Variants in GFRA1 observed in about 807,000 individuals in gnomAD.
GFRA1 encodes GDNF family receptor alpha 1.
In GFRA1, 16 loss-of-function variants were observed where a neutral mutation model predicts 51.6. That is an observed-to-expected ratio of 0.31 (90% CI 0.21 to 0.47). The LOEUF (loss-of-function observed/expected upper bound fraction) is 0.47, where lower values mean the gene tolerates loss of function less well. GFRA1 is among the 20% of genes least tolerant of loss of function. The pLI, the probability that GFRA1 is intolerant of heterozygous loss-of-function variation, is 1.00. For synonymous variants in GFRA1, 270 were observed against 241.3 expected, an observed-to-expected ratio of 1.12 and a Z score of -1.10; for missense variants, 530 against 594.3, an observed-to-expected ratio of 0.89 and a Z score of 1.13.
At chr10:116,159,312 T>C (rs755050541) in intron 5 of GFRA1, among the ~76,000 whole-genome samples, 3 of 152,184 alleles carry the variant, frequency 2.0e-5, no homozygotes, top group Admixed American at 6.5e-5. Flanking sequence ...AGTTCCCAAG[T>C]GTGTCCCTTG....
intron 5 of GFRA1, among the ~76,000 whole-genome samples, chr10:116,145,972 C>T (rs536672096): frequency 2.0e-5 from 3 of 152,154 alleles, no homozygotes; most frequent in Admixed American, 6.5e-5. Flanking sequence ...TGAATGGTAA[C>T]ATTTATATAA....
At chr10:116,165,665 T>TCACACACACACACACACACACACACA (rs56684075) in intron 5 of GFRA1, among the ~76,000 whole-genome samples, 2 of 149,554 alleles carry the variant, frequency 1.3e-5, no homozygotes, top group African/African-American at 5.0e-5. Flanking sequence ...TCTCTCACTC[T>TCACACACACACACACACACACACACA]CACACACACA....
chr10:116,267,021 G>A (rs758687322), intron 4 of GFRA1, among the ~76,000 whole-genome samples: 1 of 152,152 alleles, frequency 6.6e-6, no homozygotes, highest in Non-Finnish European at 1.5e-5. Context: ...CACACCTGTA[G>A]TCCCAGCTAC....
rs563993276 is a variant in GFRA1 at position 116,224,871 on chromosome 10, G to A, written c.419-13226C>T. Reference sequence around the variant, plus strand: ...GTTGTGAATACATTTCAAATGACTAGGAATGACAACCCCTGCCTCTCTGAG... The same window carrying A: ...GTTGTGAATACATTTCAAATGACTAAGAATGACAACCCCTGCCTCTCTGAG... On this transcript the variant is annotated intron_variant, in intron 4 of 10. Transcript: ENST00000355422. Among the ~76,000 whole-genome samples, 60 of 152,292 alleles carry A rather than the reference G, an allele frequency of 3.9e-4. No homozygotes were observed. The South Asian group carries it at 4.1e-3, about 11-fold the overall frequency.
At chr10:116,174,704 G>C (rs916126754) in intron 5 of GFRA1, among the ~76,000 whole-genome samples, 6 of 152,058 alleles carry the variant, frequency 3.9e-5, no homozygotes, top group Non-Finnish European at 8.8e-5. Context: ...TATACTACTA[G>C]AGATTACTGA....
intron 5 of GFRA1, among the ~76,000 whole-genome samples, chr10:116,158,656 G>A (rs1959410315): frequency 6.6e-6 from 1 of 152,240 alleles, no homozygotes; most frequent in African/African-American, 2.4e-5. Context: ...GGACAGTGAT[G>A]TCTAGCCACT....
chr10:116,268,080 G>A (rs1565692454), intron 4 of GFRA1, among the ~76,000 whole-genome samples: 1 of 152,082 alleles, frequency 6.6e-6, no homozygotes, highest in Admixed American at 6.5e-5. Flanking sequence ...TGTGTATTCT[G>A]ATTCAGTAGT....
chr10:116,133,224 C>G lies in GFRA1; in HGVS notation c.434-7667G>C, dbSNP rs146198867. On this transcript the variant is annotated intron_variant, in intron 5 of 10. Transcript: ENST00000355422. ...CTCTCCAGCCTCGGCTCTGTATTAC[C>G]GAGAATGCCATTTAACCAGATTTTC... Among the ~76,000 whole-genome samples the G allele has an allele frequency of 7.4e-3, 1,129 of 152,174 alleles. 14 individuals are homozygous for G. The highest frequency in any genetic ancestry group is 0.026 in the African/African-American group (1,071 of 41,518).
chr10:116,152,217 T>C (rs1163887996), intron 5 of GFRA1, among the ~76,000 whole-genome samples: 5 of 152,156 alleles, frequency 3.3e-5, no homozygotes, highest in African/African-American at 2.4e-5. Context: ...TGGATGGGCA[T>C]GATGATGTAA....
At chr10:116,255,808 A>C in intron 4 of GFRA1, 2 of 1,225,676 alleles carry the variant, frequency 1.6e-6, no homozygotes, top group South Asian at 2.6e-5. Context: ...TCCCTGGCAC[A>C]CAGTCAGTTC....
chr10:116,178,303 G>GGT (rs1555163918), intron 5 of GFRA1, among the ~76,000 whole-genome samples: 1 of 151,952 alleles, frequency 6.6e-6, no homozygotes, highest in Non-Finnish European at 1.5e-5. Flanking sequence ...AGGGGCCGGG[G>GGT]GGGCGTTTTA....
chr10:116,215,515 C>T (rs1325853419), intron 4 of GFRA1, among the ~76,000 whole-genome samples: 2 of 152,188 alleles, frequency 1.3e-5, no homozygotes, highest in East Asian at 3.9e-4. Context: ...CTTGAATTTC[C>T]TTGTTGAAAA....
intron 5 of GFRA1, among the ~76,000 whole-genome samples, chr10:116,154,061 C>A (rs931753425): frequency 6.6e-6 from 1 of 152,174 alleles, no homozygotes; most frequent in Non-Finnish European, 1.5e-5. Flanking sequence ...TACACACCCA[C>A]CAAGATGGCT....
chr10:116,243,093 TTAC>T (rs1364408228), intron 4 of GFRA1, among the ~76,000 whole-genome samples: 22 of 152,360 alleles, frequency 1.4e-4, no homozygotes, highest in African/African-American at 5.1e-4. Context: ...ATTTAAAATC[TTAC>T]TACATTTATG....
At position 116,061,849 on chromosome 10, in the gene GFRA1, G is replaced by T; in HGVS notation, c.*2549C>A. On this transcript the variant is annotated 3_prime_UTR_variant, in exon 11 of 11. Transcript: ENST00000355422. ...CAAATGATGGTGTTTTAGGGTCACC[G>T]TGTCAAACTAAGATCACACTGAATG... is the stretch of plus-strand genomic sequence containing the variant. The T allele has an allele frequency of 2.5e-6, 1 of 396,832 alleles. No homozygotes were observed. Among genetic ancestry groups the T allele is most frequent in the Non-Finnish European group, 4.4e-6 (1 of 225,404 alleles). 24.6% of individuals were successfully genotyped at this position (396,832 alleles called of 1,614,324 possible).
At chr10:116,141,420 C>A (rs1958560246) in intron 5 of GFRA1, among the ~76,000 whole-genome samples, 1 of 152,154 alleles carries the variant, frequency 6.6e-6, no homozygotes, top group Non-Finnish European at 1.5e-5. Flanking sequence ...TAGTTGCGAG[C>A]TTTGTTTAGT....
intron 6 of GFRA1, among the ~76,000 whole-genome samples, chr10:116,103,537 A>C (rs2133938335): frequency 6.6e-6 from 1 of 152,328 alleles, no homozygotes; most frequent in Admixed American, 6.5e-5. Context: ...TGTTACATGA[A>C]CTCATAAAAT....
At chr10:116,144,021 A>C (rs749200016) in intron 5 of GFRA1, among the ~76,000 whole-genome samples, 1 of 152,308 alleles carries the variant, frequency 6.6e-6, no homozygotes, top group East Asian at 1.9e-4. Context: ...TTTTTTGAGC[A>C]TAACAGTCCC....
At chr10:116,178,052 C>T (rs960366682) in intron 5 of GFRA1, among the ~76,000 whole-genome samples, 20 of 152,176 alleles carry the variant, frequency 1.3e-4, no homozygotes, top group Admixed American at 8.5e-4. Context: ...TCTGAGTATG[C>T]GCAGTTGACA....
Sources: gnomAD v4.1 joint callset for allele counts (sites outside exome capture counted in the v4.1 genomes callset) on GRCh38, gnomAD v4.1.1 for gene constraint, MANE v1.5 for transcripts, NCBI Gene and HGNC (gene_info 2026-07-23, HGNC 2026-07-21) for gene names.